Variants in RUNX2 observed in about 807,000 individuals in gnomAD.
RUNX2 encodes runt-related transcription factor 2.
A neutral mutation model predicts 51.7 loss-of-function variants in RUNX2; 10 were observed. The ratio of observed to expected loss-of-function variants is 0.19; its 90% confidence interval spans 0.12 to 0.33. The LOEUF (loss-of-function observed/expected upper bound fraction) is 0.33. Ranked by LOEUF, RUNX2 falls within the 10% of genes least tolerant of loss-of-function variation. The pLI is 1.00. For synonymous variants in RUNX2, 276 were observed against 273.6 expected (o/e 1.01, Z -0.09); for missense variants, 562 against 691.3 (o/e 0.81, Z 2.10).
At chr6:45,536,660 C>A (rs554607369) in intron 7 of RUNX2, among the ~76,000 whole-genome samples, 2 of 152,198 alleles carry the variant, frequency 1.3e-5, no homozygotes, top group Admixed American at 6.5e-5. Context: ...TCCTTTTCCC[C>A]GGCATCTCTC....
chr6:45,475,096 C>A (rs1473764414), intron 5 of RUNX2, among the ~76,000 whole-genome samples: 1 of 149,304 alleles, frequency 6.7e-6, no homozygotes, highest in Non-Finnish European at 1.5e-5. Context: ...TGCACTCCAG[C>A]CTGGGCGACA....
intron 2 of RUNX2, among the ~76,000 whole-genome samples, chr6:45,404,369 T>G (rs1411872029): frequency 6.6e-6 from 1 of 151,952 alleles, no homozygotes; most frequent in Non-Finnish European, 1.5e-5. Flanking sequence ...ACCCACCTTC[T>G]TGAAACTCTC....
At chr6:45,362,824 T>C (rs1419293351) in intron 2 of RUNX2, among the ~76,000 whole-genome samples, 3 of 149,378 alleles carry the variant, frequency 2.0e-5, no homozygotes, top group Admixed American at 6.6e-5. Context: ...GTGCTGAATT[T>C]AGCCTTTATT....
intron 2 of RUNX2, among the ~76,000 whole-genome samples, chr6:45,351,127 C>T (rs147132843): frequency 2.6e-5 from 4 of 152,262 alleles, no homozygotes; most frequent in East Asian, 1.9e-4. Flanking sequence ...ATGCCTTCCA[C>T]GAAACTGGTC....
intron 2 of RUNX2, among the ~76,000 whole-genome samples, chr6:45,373,126 A>G (rs1190060220): frequency 1.3e-5 from 2 of 151,556 alleles, no homozygotes; most frequent in East Asian, 3.9e-4. Context: ...TTTGTTTTAA[A>G]TTTTTTCTAG....
chr6:45,489,500 T>C (rs1800390041), intron 5 of RUNX2, among the ~76,000 whole-genome samples: 1 of 152,224 alleles, frequency 6.6e-6, no homozygotes, highest in Non-Finnish European at 1.5e-5. Context: ...TTAAATTTTC[T>C]TGTGACCCAT....
chr6:45,419,910 G>T (rs780467717), intron 2 of RUNX2, among the ~76,000 whole-genome samples: 4 of 152,102 alleles, frequency 2.6e-5, no homozygotes, highest in Non-Finnish European at 5.9e-5. Flanking sequence ...GGCAGGCGGC[G>T]GCTGTGGGGC....
chr6:45,339,573 TAA>T (rs1015257011), intron 2 of RUNX2, among the ~76,000 whole-genome samples: 1 of 152,006 alleles, frequency 6.6e-6, no homozygotes, highest in African/African-American at 2.4e-5. Flanking sequence ...ATAAGAAAAA[TAA>T]AGTTGTGTTT....
At chr6:45,347,274 A>G (rs975916417) in intron 2 of RUNX2, among the ~76,000 whole-genome samples, 1 of 152,218 alleles carries the variant, frequency 6.6e-6, no homozygotes, top group African/African-American at 2.4e-5. Flanking sequence ...AAATTTCTTT[A>G]AAATGAATTC....
At chr6:45,355,288 T>C (rs898269736) in intron 2 of RUNX2, among the ~76,000 whole-genome samples, 2 of 152,052 alleles carry the variant, frequency 1.3e-5, no homozygotes, top group Non-Finnish European at 2.9e-5. Context: ...TTTAATTTAA[T>C]TTAATAATTA....
At position 45,392,889 on chromosome 6, in the gene RUNX2, C is replaced by T. The variant is rs567004391; in HGVS notation, c.59-29704C>T. Among the ~76,000 whole-genome samples, 57 of 152,178 alleles carry T rather than the reference C, an allele frequency of 3.7e-4. 1 individual carries two copies. The highest frequency in any genetic ancestry group is 1.3e-3 in the African/African-American group (56 of 41,530). On this transcript the variant is annotated intron_variant, in intron 2 of 8. Coordinates refer to ENST00000647337, the MANE Select transcript of RUNX2 (RefSeq NM_001024630.4). Reference sequence around the variant, plus strand: ...TACAAGTATGTTACCCTTTAGTAATCGGCCCACAGTTCTTGGACATTCTGT... The same window carrying T: ...TACAAGTATGTTACCCTTTAGTAATTGGCCCACAGTTCTTGGACATTCTGT...
chr6:45,521,483 C>A (rs192315112), intron 7 of RUNX2, among the ~76,000 whole-genome samples: 20 of 152,308 alleles, frequency 1.3e-4, no homozygotes, highest in African/African-American at 4.6e-4. Flanking sequence ...ACCAAATGAT[C>A]AAATAGAATT....
At chr6:45,384,753 T>TATCTCCC (rs1056489525) in intron 2 of RUNX2, among the ~76,000 whole-genome samples, 5 of 137,886 alleles carry the variant, frequency 3.6e-5, no homozygotes, top group African/African-American at 1.3e-4. Flanking sequence ...GGTCTCACTC[T>TATCTCCC]ATCTCCCAGA....
intron 2 of RUNX2, among the ~76,000 whole-genome samples, chr6:45,394,761 T>C (rs1247095336): frequency 6.6e-6 from 1 of 152,090 alleles, no homozygotes; most frequent in African/African-American, 2.4e-5. Context: ...GTATTTTACT[T>C]CCCCCAGCTC....
chr6:45,392,436 G>A (rs1797491644), intron 2 of RUNX2, among the ~76,000 whole-genome samples: 1 of 152,266 alleles, frequency 6.6e-6, no homozygotes, highest in African/African-American at 2.4e-5. Flanking sequence ...CATGAGTCCA[G>A]GTTACAGTGA....
intron 2 of RUNX2, among the ~76,000 whole-genome samples, chr6:45,408,404 G>C (rs941794841): frequency 2.6e-5 from 4 of 152,024 alleles, no homozygotes; most frequent in African/African-American, 9.7e-5. Context: ...TTTGGGAATT[G>C]ATTCTCTTAA....
chr6:45,545,116 C>G (rs1278488339), intron 7 of RUNX2, 101 bp from the exon 8 acceptor site: 2 of 955,018 alleles, frequency 2.1e-6, no homozygotes, highest in Non-Finnish European at 3.2e-6. Flanking sequence ...CTCTGTCTAC[C>G]CCTCCCCTAA....
At chr6:45,366,332 A>G (rs1795131699) in intron 2 of RUNX2, among the ~76,000 whole-genome samples, 1 of 152,098 alleles carries the variant, frequency 6.6e-6, no homozygotes, top group Non-Finnish European at 1.5e-5. Flanking sequence ...ACTTTGGGCA[A>G]GTTACCTAAC....
intron 3 of RUNX2, among the ~76,000 whole-genome samples, chr6:45,428,348 A>G (rs1248600184): frequency 2.6e-5 from 4 of 152,176 alleles, no homozygotes; most frequent in Non-Finnish European, 4.4e-5. Flanking sequence ...TCTCAAACAT[A>G]TAATTATACT....
Sources: gnomAD v4.1 joint callset for allele counts (sites outside exome capture counted in the v4.1 genomes callset) on GRCh38, gnomAD v4.1.1 for gene constraint, MANE v1.5 for transcripts, NCBI Gene and HGNC (gene_info 2026-07-23, HGNC 2026-07-21) for gene names.